Variants in PCDHGA11 observed in about 807,000 individuals in gnomAD.
PCDHGA11 encodes protocadherin gamma subfamily A, 11.
A neutral mutation model predicts 60.4 loss-of-function variants in PCDHGA11; 39 were observed. The ratio of observed to expected loss-of-function variants is 0.65; its 90% CI spans 0.50 to 0.84. The LOEUF (loss-of-function observed/expected upper bound fraction) is 0.84. Ranked by LOEUF, PCDHGA11 falls within the 40% of genes least tolerant of loss-of-function variation. The pLI, the probability that PCDHGA11 is intolerant of heterozygous loss-of-function variation, is 0.00. For synonymous variants in PCDHGA11, 533 were observed against 510.3 expected (o/e 1.04, Z -0.60); for missense variants, 1,165 against 1,197.7 (o/e 0.97, Z 0.40).
intron 1 of PCDHGA11, among the ~76,000 whole-genome samples, chr5:141,473,057 A>G (rs2099313037): frequency 2.6e-5 from 4 of 152,056 alleles, no homozygotes; most frequent in Non-Finnish European, 5.9e-5. Flanking sequence ...AAGTGATACA[A>G]CAAGTTACAG....
In PCDHGA11 at chr5:141,430,720, T is replaced by C. The variant is rs369549088; in HGVS notation, c.2433+7060T>C. On this transcript the variant is annotated intron_variant, in intron 1 of 3. Transcript: ENST00000398587. ...AAGGAACTGCTCCTGACTTCAGTGG[T>C]TAAGGGCAGAATTGAAAATAATTCT... The C allele has an allele frequency of 4.9e-4, 734 of 1,486,386 alleles. 1 individual carries two copies. Among genetic ancestry groups the C allele is most frequent in the Middle Eastern group, 9.1e-4 (5 of 5,506 alleles). The allele number at this position is 1,486,386 out of a possible 1,614,324, so 92.1% of individuals were successfully genotyped here.
chr5:141,427,434 A>G (rs2097026509), intron 1 of PCDHGA11: 1 of 473,650 alleles, frequency 2.1e-6, no homozygotes, highest in African/African-American at 2.0e-5. Context: ...TACATGCCTC[A>G]TAAACGAAAG....
rs369390148 is a variant in PCDHGA11, at chr5:141,423,659, A to T, written c.2432A>T (p.Gln811Leu). ...ILGKCDPTSN[Q>L]QAPPNTDWRF... The stretch of plus-strand genomic sequence containing the variant: ...GGCAAATGTGACCCGACAAGTAATC[A>T]GGTGAGATTTATTTCTCTGCCTCCT... The change falls in exon 1 of 4, where the codon CAG becomes CTG. Residue 811 changes from glutamine (Q) to leucine (L), a missense_variant and splice_region_variant. Coordinates refer to ENST00000398587, the MANE Select transcript of PCDHGA11 (RefSeq NM_018914.3). The T allele has an allele frequency of 8.6e-5, 133 of 1,551,038 alleles. No individual in the cohort carries two copies. Among genetic ancestry groups the T allele is most frequent in the Non-Finnish European group, 1.1e-4 (129 of 1,151,140 alleles).
chr5:141,432,873 T>G lies in PCDHGA11; in HGVS notation c.2433+9213T>G, dbSNP rs753576338. The stretch of plus-strand genomic sequence containing the variant: ...GTGGCCGCGGTCTCCTGCGTCTTCC[T>G]GGCCTTCGTCATCTTGCTGCTGGCG... On this transcript the variant is annotated intron_variant, in intron 1 of 3. Transcript: ENST00000398587. This position sits in a 1 kb window ranked among gnomAD's most constrained non-coding sequence, Gnocchi z 6.0. 4 of 1,614,204 alleles carry G rather than the reference T, an allele frequency of 2.5e-6. No homozygotes were observed. The highest frequency in any genetic ancestry group is 3.4e-6 in the Non-Finnish European group (4 of 1,180,014).
chr5:141,450,104 T>A (rs1041853602), intron 1 of PCDHGA11, among the ~76,000 whole-genome samples: 1 of 150,664 alleles, frequency 6.6e-6, no homozygotes, highest in African/African-American at 2.5e-5. Flanking sequence ...CCTCCCAGGT[T>A]CAAATGATTC....
chr5:141,458,949 T>A (rs948180008), intron 1 of PCDHGA11, among the ~76,000 whole-genome samples: 1 of 151,814 alleles, frequency 6.6e-6, no homozygotes, highest in East Asian at 1.9e-4. Flanking sequence ...CTTAGGTTGG[T>A]CACAAATTCA....
Position 141,431,479 on chromosome 5 carries a change from A to T in PCDHGA11, c.2433+7819A>T. 1 of 1,613,892 alleles carries T rather than the reference A, an allele frequency of 6.2e-7. No individual in the cohort carries two copies. Among genetic ancestry groups the T allele is most frequent in the South Asian group, 1.1e-5 (1 of 91,092 alleles). On this transcript the variant is annotated intron_variant, in intron 1 of 3. Transcript: ENST00000398587. This position sits in a 1 kb window ranked among gnomAD's most constrained non-coding sequence, Gnocchi z 4.8. ...TTCTGGATGCGAACGACAACGCACC[A>T]GCGTTTGCTCAGCCCGAGTACCGCG...
At chr5:141,509,953 G>A (rs987910496) in intron 3 of PCDHGA11, among the ~76,000 whole-genome samples, 4 of 152,282 alleles carry the variant, frequency 2.6e-5, no homozygotes, top group Non-Finnish European at 4.4e-5. Context: ...AAATGCTACC[G>A]GGTATGGCCT....
intron 1 of PCDHGA11, among the ~76,000 whole-genome samples, chr5:141,469,449 C>A (rs1017174114): frequency 2.0e-5 from 3 of 151,846 alleles, no homozygotes; most frequent in African/African-American, 7.3e-5. Context: ...GTGGTGCACA[C>A]CTGTAGTCTC....
In PCDHGA11 at chr5:141,489,153, G is replaced by C; in HGVS notation, c.2434-5654G>C. Reference sequence around the variant, plus strand: ...TTTAAGAGGCTGGAAGGAGACATAAGAGACTTCAGCTGCTGCATTCCAAGC... The same window carrying C: ...TTTAAGAGGCTGGAAGGAGACATAACAGACTTCAGCTGCTGCATTCCAAGC... On this transcript the variant is annotated intron_variant, in intron 1 of 3. Coordinates refer to ENST00000398587, the MANE Select transcript of PCDHGA11 (RefSeq NM_018914.3). This position sits in a 1 kb window ranked among gnomAD's most constrained non-coding sequence, Gnocchi z 4.5. 1 of 935,832 alleles carries C rather than the reference G, an allele frequency of 1.1e-6. No individual in the cohort carries two copies. Among genetic ancestry groups the C allele is most frequent in the Non-Finnish European group, 1.6e-6 (1 of 627,178 alleles). The allele number at this position is 935,832 out of a possible 1,614,324, so 58.0% of individuals were successfully genotyped here.
intron 1 of PCDHGA11, among the ~76,000 whole-genome samples, chr5:141,459,831 G>T (rs907978430): frequency 1.3e-5 from 2 of 152,150 alleles, no homozygotes; most frequent in Non-Finnish European, 2.9e-5. Context: ...CTTTTCATGT[G>T]TTGTCTATTT....
At chr5:141,434,193 T>G (rs2097677103) in intron 1 of PCDHGA11, among the ~76,000 whole-genome samples, 1 of 152,246 alleles carries the variant, frequency 6.6e-6, no homozygotes, top group South Asian at 2.1e-4. Flanking sequence ...GTAATTCCAA[T>G]GTACTTACTT....
intron 1 of PCDHGA11, among the ~76,000 whole-genome samples, chr5:141,443,905 A>G (rs963772369): frequency 6.6e-6 from 1 of 152,204 alleles, no homozygotes; most frequent in Admixed American, 6.5e-5. Context: ...TAGTAGGAAA[A>G]TTCATAAAAG....
intron 1 of PCDHGA11, among the ~76,000 whole-genome samples, chr5:141,469,436 G>T (rs556417221): frequency 6.6e-6 from 1 of 152,002 alleles, no homozygotes; most frequent in Non-Finnish European, 1.5e-5. Flanking sequence ...TTAGCTGGGC[G>T]TGGTGGTGCA....
chr5:141,446,230 G>A (rs548647406), intron 1 of PCDHGA11, among the ~76,000 whole-genome samples: 22 of 152,208 alleles, frequency 1.4e-4, no homozygotes, highest in African/African-American at 4.6e-4. Context: ...GTGTTGCCTG[G>A]CAAGTGGTAG....
chr5:141,444,406 G>A (rs1296878411), intron 1 of PCDHGA11, among the ~76,000 whole-genome samples: 1 of 151,874 alleles, frequency 6.6e-6, no homozygotes, highest in Non-Finnish European at 1.5e-5. Context: ...CCCAACCTCA[G>A]GTGATCTTCC....
chr5:141,480,970 A>C (rs1189003084), intron 1 of PCDHGA11, among the ~76,000 whole-genome samples: 1 of 152,120 alleles, frequency 6.6e-6, no homozygotes, highest in Non-Finnish European at 1.5e-5. Flanking sequence ...AGTGAGGGAG[A>C]ATCAGTGAAC....
At chr5:141,495,065 T>C (rs1413025171) in intron 2 of PCDHGA11, among the ~76,000 whole-genome samples, 200 bp downstream of exon 2, 1 of 152,148 alleles carries the variant, frequency 6.6e-6, no homozygotes, top group Admixed American at 6.5e-5. Flanking sequence ...TTCAGGAAGC[T>C]CAATTCACAT....
At chr5:141,507,474 C>T (rs774159694) in intron 3 of PCDHGA11, among the ~76,000 whole-genome samples, 2 of 152,196 alleles carry the variant, frequency 1.3e-5, no homozygotes, top group Non-Finnish European at 2.9e-5. Flanking sequence ...GCAGGGACTG[C>T]TGGCCTCCTG....
Sources: gnomAD v4.1 joint callset for allele counts (sites outside exome capture counted in the v4.1 genomes callset) on GRCh38, gnomAD v4.1.1 for gene constraint, Gnocchi (gnomAD v3.1) non-coding constraint, MANE v1.5 for transcripts, NCBI Gene and HGNC (gene_info 2026-07-23, HGNC 2026-07-21) for gene names.